Variants in AGPS observed in about 807,000 individuals in gnomAD.
AGPS encodes the protein alkylglycerone phosphate synthase, also known as alkyldihydroxyacetonephosphate synthase, peroxisomal.
In AGPS, 26 loss-of-function variants were observed where a neutral mutation model predicts 90.7. The observed-to-expected ratio is 0.29, with a 90% CI of 0.21 to 0.40. The LOEUF (loss-of-function observed/expected upper bound fraction) is 0.40, where lower values mean the gene tolerates loss of function less well. Ranked by LOEUF, AGPS falls within the 10% of genes least tolerant of loss-of-function variation. AGPS has a pLI of 1.00. For missense variants in AGPS, 540 were observed against 816.1 expected (o/e 0.66, Z 4.12); for synonymous variants, 294 against 285.3 (o/e 1.03, Z -0.31).
In AGPS at chr2:177,420,623, T is replaced by C. The variant is rs548513209; in HGVS notation, c.350+265T>C. Among the ~76,000 whole-genome samples, 5 of 151,174 alleles carry C rather than the reference T, an allele frequency of 3.3e-5. 1 individual carries two copies. In the South Asian group the frequency reaches 1.0e-3, roughly 31 times the overall value. On this transcript the variant is annotated intron_variant, in intron 2 of 19. Coordinates refer to ENST00000264167, the MANE Select transcript of AGPS (RefSeq NM_003659.4). The stretch of plus-strand genomic sequence containing the variant: ...ATATAACCAATTATATAATATTATA[T>C]ATCCAAAATAGCAAAAAATTTTTAT...
chr2:177,399,657 T>TA (rs1258532375), intron 1 of AGPS, among the ~76,000 whole-genome samples: 1 of 152,182 alleles, frequency 6.6e-6, no homozygotes, highest in Non-Finnish European at 1.5e-5. Context: ...AGAGAGAACT[T>TA]ACAGCATAAT....
chr2:177,433,648 A>G (rs549183652), intron 2 of AGPS, among the ~76,000 whole-genome samples: 4 of 152,168 alleles, frequency 2.6e-5, no homozygotes, highest in Non-Finnish European at 5.9e-5. Context: ...GGAGCTGTGG[A>G]TTCTGTTATA....
At chr2:177,452,222 T>C (rs1018243682) in intron 8 of AGPS, among the ~76,000 whole-genome samples, 1 of 152,146 alleles carries the variant, frequency 6.6e-6, no homozygotes, top group Non-Finnish European at 1.5e-5. Flanking sequence ...GTAATTCAGG[T>C]CTCTTATATT....
intron 2 of AGPS, among the ~76,000 whole-genome samples, chr2:177,429,030 C>G (rs1257242424): frequency 6.6e-6 from 1 of 151,918 alleles, no homozygotes; most frequent in African/African-American, 2.4e-5. Context: ...ATTCTTTTTT[C>G]TCTATTCTTG....
At position 177,468,672 on chromosome 2, in the gene AGPS, A is replaced by G. The variant is rs1441347965; in HGVS notation, c.1105+148A>G. The G allele has an allele frequency of 4.9e-6, 3 of 609,006 alleles. No individual in the cohort carries two copies. The African/African-American group carries it at 5.6e-5, about 11-fold the overall frequency. The allele number at this position is 609,006 out of a possible 1,614,324, so 37.7% of individuals were successfully genotyped here. ...AATTTTTATCATTTTAAGACTATAA[A>G]GTTTTATTATGAGAACATCTGATTA... is the stretch of plus-strand genomic sequence containing the variant. On this transcript the variant is annotated intron_variant, in intron 10 of 19. Coordinates refer to ENST00000264167, the MANE Select transcript of AGPS (RefSeq NM_003659.4).
At position 177,523,815 on chromosome 2, in the gene AGPS, T is replaced by C. The variant is rs1372301224; in HGVS notation, c.1855+10T>C. On this transcript the variant is annotated intron_variant, in intron 19 of 19. Transcript: ENST00000264167. ...TCACATCACCATGGAGGTATTCTTT[T>C]TTGGGAGTAGAATTTCTAATATTCT... 8 of 1,609,176 alleles carry C rather than the reference T, an allele frequency of 5.0e-6. No homozygotes were observed. The South Asian group carries it at 8.8e-5, about 18-fold the overall frequency.
intron 1 of AGPS, among the ~76,000 whole-genome samples, chr2:177,409,203 A>C (rs185798768): frequency 3.1e-4 from 46 of 148,968 alleles, no homozygotes; most frequent in African/African-American, 1.1e-3. Flanking sequence ...AAAACAAACC[A>C]AAAAAAACCC....
intron 16 of AGPS, among the ~76,000 whole-genome samples, chr2:177,509,645 G>A (rs868609184): frequency 6.5e-5 from 9 of 138,120 alleles, no homozygotes; most frequent in Non-Finnish European, 1.2e-4. Flanking sequence ...CAGCCTGGGC[G>A]ACACAGCGAG....
chr2:177,499,632 C>T lies in AGPS; in HGVS notation c.1377C>T (p.Asp459=). 2 of 1,606,718 alleles carry T rather than the reference C, an allele frequency of 1.2e-6. No homozygotes were observed. Among genetic ancestry groups the T allele is most frequent in the South Asian group, 1.1e-5 (1 of 90,218 alleles). The change falls in exon 14 of 20, where the codon GAC becomes GAT. Residue 459 remains aspartate (D), a synonymous_variant. Coordinates refer to ENST00000264167, the MANE Select transcript of AGPS (RefSeq NM_003659.4). ...TTTTTTTGTAGTTTAAAGGATTTGACCCAAATCAGCTAAGTGTAGCCACAT... is the reference window on the plus strand; with the variant it reads ...TTTTTTTGTAGTTTAAAGGATTTGATCCAAATCAGCTAAGTGTAGCCACAT... ...KFYITKFKGF[D]PNQLSVATLL...
intron 2 of AGPS, among the ~76,000 whole-genome samples, chr2:177,425,834 C>A (rs1686066239): frequency 6.6e-6 from 1 of 151,968 alleles, no homozygotes. Flanking sequence ...GTGATGCCTC[C>A]AGCTTTGTTC....
At chr2:177,442,197 G>A (rs540412688) in intron 6 of AGPS, among the ~76,000 whole-genome samples, 6 of 152,292 alleles carry the variant, frequency 3.9e-5, no homozygotes, top group East Asian at 1.9e-4. Context: ...TTTCAGTTCC[G>A]TAATATTGCT....
intron 1 of AGPS, among the ~76,000 whole-genome samples, chr2:177,407,017 C>G (rs919812441): frequency 6.6e-6 from 1 of 152,190 alleles, no homozygotes; most frequent in Non-Finnish European, 1.5e-5. Flanking sequence ...ATTGAGTATA[C>G]TGAAATCTTT....
chr2:177,507,041 CT>C (rs141850290), intron 15 of AGPS, among the ~76,000 whole-genome samples: 6,985 of 152,114 alleles, frequency 0.046, 206 homozygotes, highest in Non-Finnish European at 0.058. Flanking sequence ...TCCGCCCCCC[CT>C]ACCCCGGGAT....
At chr2:177,505,426 CTCT>C in intron 14 of AGPS, 77 bp from the exon 15 acceptor site, 8 of 1,248,664 alleles carry the variant, frequency 6.4e-6, no homozygotes, top group Non-Finnish European at 9.3e-6. Context: ...CAAACTTATT[CTCT>C]TGACAGCTTT....
chr2:177,470,424 C>T (rs925705760), intron 10 of AGPS, among the ~76,000 whole-genome samples: 30 of 152,208 alleles, frequency 2.0e-4, no homozygotes, highest in African/African-American at 6.7e-4. Flanking sequence ...AGAGATTGGG[C>T]TGGGCGTGGT....
rs868248667 is a variant in AGPS, at chr2:177,538,988, A to C, written c.*793A>C. On this transcript the variant is annotated 3_prime_UTR_variant, in exon 20 of 20. Transcript: ENST00000264167. ...ACCATGAAATGAATGCCTTTATTCA[A>C]CTTAGAGTCCTAATGTTTCTGATTT... is the stretch of plus-strand genomic sequence containing the variant. The C allele has an allele frequency of 9.9e-5, 15 of 152,070 alleles. No homozygotes were observed. Among genetic ancestry groups the C allele is most frequent in the African/African-American group, 3.6e-4 (15 of 41,440 alleles). 9.4% of individuals were successfully genotyped at this position (152,070 alleles called of 1,614,324 possible).
rs16865202 is a variant in AGPS at position 177,403,251 on chromosome 2, A to G, written c.260+10202A>G. ...AAGGTATAGGAAAGGAATGGTGACT[A>G]CTACAACAATGGAAGGGCAATTTTA... On this transcript the variant is annotated intron_variant, in intron 1 of 19. Coordinates refer to ENST00000264167, the MANE Select transcript of AGPS (RefSeq NM_003659.4). 4.0e-3 allele frequency among the ~76,000 whole-genome samples: 611 copies of G among 152,294 alleles called. 5 individuals are homozygous for G. Among genetic ancestry groups the G allele is most frequent in the East Asian group, 0.032 (167 of 5,184 alleles).
At chr2:177,468,377 C>T (rs760449978) in intron 9 of AGPS, 39 bp from the exon 10 acceptor site, 1 of 1,245,448 alleles carries the variant, frequency 8.0e-7, no homozygotes. Flanking sequence ...CATTCACTAA[C>T]AGATGTCTAG....
chr2:177,467,825 T>G (rs1430496632), intron 9 of AGPS, among the ~76,000 whole-genome samples: 1 of 152,180 alleles, frequency 6.6e-6, no homozygotes, highest in Non-Finnish European at 1.5e-5. Flanking sequence ...GTGATCCTAC[T>G]TCCCCAGTAT....
Sources: gnomAD v4.1 joint callset for allele counts (sites outside exome capture counted in the v4.1 genomes callset) on GRCh38, gnomAD v4.1.1 for gene constraint, MANE v1.5 for transcripts, NCBI Gene and HGNC (gene_info 2026-07-23, HGNC 2026-07-21) for gene names.